Variants in SCUBE2 observed in about 807,000 individuals in gnomAD.
The protein encoded by SCUBE2 is signal peptide, CUB and EGF-like domain-containing protein 2.
SCUBE2 carries 114 observed loss-of-function variants against 125.9 expected under a neutral mutation model. That is an observed-to-expected ratio of 0.91 (90% CI 0.78 to 1.06). The LOEUF is 1.06. Among genes scored for constraint, SCUBE2 ranks in the 50% least tolerant of loss-of-function variants. SCUBE2 has a pLI of 0.00. For synonymous variants in SCUBE2, 459 were observed against 492.9 expected, an observed-to-expected ratio of 0.93 and a Z score of 0.91; for missense variants, 1,255 against 1,301.8, an observed-to-expected ratio of 0.96 and a Z score of 0.55.
intron 10 of SCUBE2, 47 bp from the exon 11 acceptor site, chr11:9,053,806 G>A (rs908849573): frequency 6.3e-7 from 1 of 1,593,808 alleles, no homozygotes; most frequent in African/African-American, 1.3e-5. Context: ...TCACTGAATG[G>A]GCTGACATGG....
rs1368153935 is a variant in SCUBE2, at chr11:9,054,725, A to ATATT, written c.1208-967_1208-966insAATA. ...TGTATATATATATATATATATATAT[A>ATATT]TTTTTTTTTTTTTTTTTTTTTTTTT... On this transcript the variant is annotated intron_variant, in intron 10 of 22. Transcript: ENST00000649792. Among the ~76,000 whole-genome samples the ATATT allele has an allele frequency of 1.3e-4, 3 of 22,344 alleles. 1 individual carries two copies. Among genetic ancestry groups the ATATT allele is most frequent in the Non-Finnish European group, 2.1e-4 (3 of 14,150 alleles). The allele number at this position is 22,344 out of a possible 152,430, so 14.7% of individuals were successfully genotyped here.
At position 9,054,050 on chromosome 11, in the gene SCUBE2, G is replaced by A. The variant is rs1254928231; in HGVS notation, c.1208-291C>T. On this transcript the variant is annotated intron_variant, in intron 10 of 22. Transcript: ENST00000649792. ...TTGCTCTTGTCACTCAGGCTGGAGT[G>A]CAGTGGCACCATCTCAGCTCACTGC... Among the ~76,000 whole-genome samples, 9 of 141,724 alleles carry A rather than the reference G, an allele frequency of 6.4e-5. 1 individual carries two copies. The highest frequency in any genetic ancestry group is 5.2e-4 in the Admixed American group (7 of 13,408). 93.0% of individuals were successfully genotyped at this position (141,724 alleles called of 152,430 possible). A position where few individuals can be genotyped will look rare whatever the true frequency, so the allele number is the denominator to read the frequency against.
intron 16 of SCUBE2, among the ~76,000 whole-genome samples, chr11:9,040,504 CGCAGGAGAAAGGGAGGAT>C (rs1857124467): frequency 1.5e-5 from 2 of 132,080 alleles, no homozygotes; most frequent in Non-Finnish European, 1.6e-5. Flanking sequence ...AGCGTGGGTA[CGCAGGAGAAAGGGAGGAT>C]TCATATCCCA....
At chr11:9,040,736 C>T (rs913985962) in intron 16 of SCUBE2, among the ~76,000 whole-genome samples, 12 of 150,876 alleles carry the variant, frequency 8.0e-5, no homozygotes, top group Admixed American at 6.0e-4. Flanking sequence ...GGGTATACAC[C>T]GTGGGTACGC....
chr11:9,056,104 C>T (rs1419567972), intron 9 of SCUBE2, among the ~76,000 whole-genome samples, 195 bp from the exon 10 acceptor site: 1 of 152,208 alleles, frequency 6.6e-6, no homozygotes, highest in African/African-American at 2.4e-5. Context: ...TACTGACTGC[C>T]ACGGCCCTCA....
At position 9,091,463 on chromosome 11, in the gene SCUBE2, CA is replaced by C. The variant is rs780586031; in HGVS notation, c.65del (p.Leu22ArgfsTer25). The C allele has an allele frequency of 3.0e-5, 12 of 394,048 alleles. No individual in the cohort carries two copies. The highest frequency in any genetic ancestry group is 4.2e-4 in the African/African-American group (1 of 2,368). 24.4% of individuals were successfully genotyped at this position (394,048 alleles called of 1,614,324 possible). A position where few individuals can be genotyped will look rare whatever the true frequency, so the allele number is the denominator to read the frequency against. ...CCCCCGCCAGCAGCAGCAGTGGCGG[CA>C]GCAGCAGCAGCAGCAGCAGCACCGC... ...AWAVLLLLLLLPPLLLLAGAV... is the reference protein window; with the variant it reads ...AWAVLLLLLLXPPLLLLAGAV... On this transcript the variant is annotated frameshift_variant, in exon 1 of 23. Coordinates refer to ENST00000649792, the MANE Select transcript of SCUBE2 (RefSeq NM_001367977.2). LOFTEE classifies it high-confidence loss of function. This position sits in a 1 kb window ranked among gnomAD's most constrained non-coding sequence, Gnocchi z 8.5.
intron 15 of SCUBE2, 121 bp from the exon 16 acceptor site, chr11:9,047,683 C>T (rs1352872462): frequency 5.7e-6 from 6 of 1,061,202 alleles, no homozygotes; most frequent in African/African-American, 1.6e-5. Flanking sequence ...TGGGGAGAAA[C>T]CTGGAGGGGG....
intron 5 of SCUBE2, among the ~76,000 whole-genome samples, chr11:9,068,488 G>A (rs1039156448): frequency 6.6e-6 from 1 of 152,192 alleles, no homozygotes; most frequent in Non-Finnish European, 1.5e-5. Flanking sequence ...CTTGGAGGGG[G>A]CTCATACCTG....
Position 9,040,367 on chromosome 11 carries a change from C to T in SCUBE2, c.2003-6571G>A, listed in dbSNP as rs189162766. Among the ~76,000 whole-genome samples the T allele has an allele frequency of 3.9e-3, 587 of 152,364 alleles. 2 individuals are homozygous for T. Among genetic ancestry groups the T allele is most frequent in the Admixed American group, 5.6e-3 (85 of 15,314 alleles). On this transcript the variant is annotated intron_variant, in intron 16 of 22. Transcript: ENST00000649792. The stretch of plus-strand genomic sequence containing the variant: ...AGTATCTTATAGTACCGTACTCACC[C>T]TTCTTGTGATCTGTCAATCTGATAA...
intron 16 of SCUBE2, among the ~76,000 whole-genome samples, chr11:9,041,203 A>G (rs1374544700): frequency 6.6e-6 from 1 of 152,220 alleles, no homozygotes; most frequent in Non-Finnish European, 1.5e-5. Context: ...CCAATAGTGT[A>G]AGTATATAGT....
intron 13 of SCUBE2, among the ~76,000 whole-genome samples, chr11:9,051,397 C>T (rs7126825): frequency 0.79 from 119,691 of 152,106 alleles, 47,315 homozygotes; most frequent in East Asian, 0.91. Context: ...TTTGGCGAAA[C>T]GGTGAAGGGC....
intron 8 of SCUBE2, among the ~76,000 whole-genome samples, chr11:9,060,120 T>C (rs990198363): frequency 6.6e-6 from 1 of 152,240 alleles, no homozygotes; most frequent in Non-Finnish European, 1.5e-5. Context: ...GAATGCTTCC[T>C]TTAACTGCCT....
chr11:9,028,244 G>A (rs548571936), intron 19 of SCUBE2, among the ~76,000 whole-genome samples: 24 of 152,046 alleles, frequency 1.6e-4, no homozygotes, highest in Non-Finnish European at 3.1e-4. Context: ...GGTCTATGCT[G>A]CCCAGGCTGG....
At position 9,091,269 on chromosome 11, in the gene SCUBE2, G is replaced by T; in HGVS notation, c.133+127C>A. ...GGGTGAGGTCCCGGGGGGAGCAGAG[G>T]CCCCCGCGGAGCTGCAGCCGCCAGC... On this transcript the variant is annotated intron_variant, in intron 1 of 22. Coordinates refer to ENST00000649792, the MANE Select transcript of SCUBE2 (RefSeq NM_001367977.2). This position sits in a 1 kb window ranked among gnomAD's most constrained non-coding sequence, Gnocchi z 8.5. The T allele has an allele frequency of 3.3e-6, 2 of 603,904 alleles. No individual in the cohort carries two copies. The highest frequency in any genetic ancestry group is 4.7e-6 in the Non-Finnish European group (2 of 429,288). The allele number at this position is 603,904 out of a possible 1,614,324, so 37.4% of individuals were successfully genotyped here. A position where few individuals can be genotyped will look rare whatever the true frequency, so the allele number is the denominator to read the frequency against.
chr11:9,055,718 C>A (rs531596197), intron 10 of SCUBE2, 75 bp downstream of exon 10: 2 of 1,158,468 alleles, frequency 1.7e-6, no homozygotes, highest in African/African-American at 1.5e-5. Context: ...GGAAAGCAAA[C>A]CTCAGGGGTA....
intron 16 of SCUBE2, among the ~76,000 whole-genome samples, chr11:9,045,444 T>A (rs1857607885): frequency 6.6e-6 from 1 of 152,194 alleles, no homozygotes; most frequent in African/African-American, 2.4e-5. Context: ...GACTCCATTT[T>A]TCTTTTTTTG....
rs562977709 is a variant in SCUBE2, at chr11:9,055,706, T to C, written c.1207+87A>G. On this transcript the variant is annotated intron_variant, in intron 10 of 22. Coordinates refer to ENST00000649792, the MANE Select transcript of SCUBE2 (RefSeq NM_001367977.2). Reference sequence around the variant, plus strand: ...GCAATGTACCTTTCATACCCCAATGTAGGAAAGCAAACCTCAGGGGTAGGC... The same window carrying C: ...GCAATGTACCTTTCATACCCCAATGCAGGAAAGCAAACCTCAGGGGTAGGC... 1.5e-4 allele frequency: 145 copies of C among 973,924 alleles called. 2 individuals carry two copies. The South Asian group carries it at 1.9e-3, about 13-fold the overall frequency. The allele number at this position is 973,924 out of a possible 1,614,324, so 60.3% of individuals were successfully genotyped here.
chr11:9,050,844 G>A, intron 13 of SCUBE2, 134 bp from the exon 14 acceptor site: 1 of 706,596 alleles, frequency 1.4e-6, no homozygotes, highest in Non-Finnish European at 2.5e-6. Flanking sequence ...CTACCCTGAG[G>A]CTAAGAGTGG....
chr11:9,066,013 AC>A (rs1389928075), intron 6 of SCUBE2, 33 bp from the exon 7 acceptor site: 1 of 1,487,012 alleles, frequency 6.7e-7, no homozygotes, highest in Non-Finnish European at 9.4e-7. Context: ...CGGTTCTCAG[AC>A]TGAATGAGTT....
Sources: allele counts gnomAD v4.1 joint callset (sites outside exome capture counted in the v4.1 genomes callset), GRCh38; gene constraint gnomAD v4.1.1; non-coding constraint Gnocchi (gnomAD v3.1); transcripts MANE v1.5; gene names NCBI Gene and HGNC (gene_info 2026-07-23, HGNC 2026-07-21).